Variants in CAMSAP2 observed in about 807,000 individuals in gnomAD.
CAMSAP2 encodes calmodulin-regulated spectrin-associated protein 2.
In CAMSAP2, 26 loss-of-function variants were observed where a neutral mutation model predicts 146.1. That is an observed-to-expected ratio of 0.18 (90% CI 0.13 to 0.25). The LOEUF is 0.25. Ranked by LOEUF, CAMSAP2 falls within the 10% of genes least tolerant of loss-of-function variation. The pLI is 1.00. For synonymous variants in CAMSAP2, 499 were observed against 596.6 expected (o/e 0.84, Z 2.38); for missense variants, 1,381 against 1,759.3 (o/e 0.78, Z 3.85).
At chr1:200,836,187 A>G (rs1667180625) in intron 6 of CAMSAP2, among the ~76,000 whole-genome samples, 1 of 152,100 alleles carries the variant, frequency 6.6e-6, no homozygotes, top group Non-Finnish European at 1.5e-5. Flanking sequence ...TTTGTGGTAC[A>G]GATTTTTATT....
chr1:200,766,853 G>T (rs1664967512), intron 2 of CAMSAP2, among the ~76,000 whole-genome samples: 1 of 152,084 alleles, frequency 6.6e-6, no homozygotes, highest in Non-Finnish European at 1.5e-5. Context: ...AATTTGCCTA[G>T]GTTTCTTTCC....
At chr1:200,816,717 C>A (rs1239874677) in intron 4 of CAMSAP2, among the ~76,000 whole-genome samples, 8 of 105,100 alleles carry the variant, frequency 7.6e-5, no homozygotes, top group Admixed American at 5.7e-4. Context: ...TATATATACA[C>A]ACGCACATAT....
chr1:200,853,369 C>G lies in CAMSAP2; in HGVS notation c.3697C>G (p.Leu1233Val). 5.6e-6 allele frequency: 9 copies of G among 1,613,832 alleles called. No individual in the cohort carries two copies. Among genetic ancestry groups the G allele is most frequent in the Non-Finnish European group, 7.6e-6 (9 of 1,179,856 alleles). Residue 1233 changes from leucine (L) to valine (V), a missense_variant, in exon 13 of 17, where the codon CTA becomes GTA. Transcript: ENST00000358823. The surrounding 1 kb of genome is among the most constrained non-coding windows in gnomAD (Gnocchi z 5.1). The stretch of plus-strand genomic sequence containing the variant: ...ATATATGAGGCGGAAACAACTGAAA[C>G]TAATGGAAGATATGGATACAGTAAT... ...QEYMRRKQLK[L>V]MEDMDTVIKP...
At chr1:200,833,947 C>T (rs1380044874) in intron 6 of CAMSAP2, among the ~76,000 whole-genome samples, 2 of 152,072 alleles carry the variant, frequency 1.3e-5, no homozygotes, top group African/African-American at 2.4e-5. Context: ...GTTTATTGTC[C>T]TTTGACTGTA....
chr1:200,812,624 T>G (rs181972185), intron 3 of CAMSAP2, among the ~76,000 whole-genome samples: 1 of 152,222 alleles, frequency 6.6e-6, no homozygotes, highest in Admixed American at 6.5e-5. Flanking sequence ...TTTTCCTGGA[T>G]AATGCATCCA....
Position 200,853,169 on chromosome 1 carries a change from A to T in CAMSAP2, c.3603-106A>T, listed in dbSNP as rs1667667054. The T allele has an allele frequency of 1.0e-6, 1 of 956,570 alleles. No homozygotes were observed. Among genetic ancestry groups the T allele is most frequent in the Non-Finnish European group, 1.6e-6 (1 of 626,066 alleles). 59.3% of individuals were successfully genotyped at this position (956,570 alleles called of 1,614,324 possible). A position where few individuals can be genotyped will look rare whatever the true frequency, so the allele number is the denominator to read the frequency against. On this transcript the variant is annotated intron_variant, in intron 12 of 16. Coordinates refer to ENST00000358823, the MANE Select transcript of CAMSAP2 (RefSeq NM_203459.4). This position sits in a 1 kb window ranked among gnomAD's most constrained non-coding sequence, Gnocchi z 5.1. Reference sequence around the variant, plus strand: ...TTTTAAATGAACCATTTATTCACCAAGGTGATGAAATAGAATTCTCCTTTC... The same window carrying T: ...TTTTAAATGAACCATTTATTCACCATGGTGATGAAATAGAATTCTCCTTTC...
At chr1:200,811,272 C>T (rs145230910) in intron 3 of CAMSAP2, among the ~76,000 whole-genome samples, 1 of 152,124 alleles carries the variant, frequency 6.6e-6, no homozygotes, top group African/African-American at 2.4e-5. Context: ...GCAGTTTTTT[C>T]TCCCTGCACT....
intron 6 of CAMSAP2, among the ~76,000 whole-genome samples, chr1:200,839,833 C>T (rs1667272073): frequency 1.3e-5 from 2 of 152,090 alleles, no homozygotes; most frequent in African/African-American, 4.8e-5. Context: ...CACCTGTTCC[C>T]CTAAACACCT....
intron 4 of CAMSAP2, among the ~76,000 whole-genome samples, chr1:200,816,873 C>CT: frequency 2.6e-5 from 1 of 38,462 alleles, no homozygotes; most frequent in Non-Finnish European, 4.7e-5. Context: ...TATGTGTGTA[C>CT]ACACACACGC....
chr1:200,753,700 A>G (rs1422018577), intron 1 of CAMSAP2, among the ~76,000 whole-genome samples: 2 of 152,048 alleles, frequency 1.3e-5, no homozygotes, highest in South Asian at 2.1e-4. Flanking sequence ...GGTGCACCCT[A>G]TCTTTTGGCT....
intron 4 of CAMSAP2, among the ~76,000 whole-genome samples, chr1:200,827,423 C>T (rs1666932458): frequency 6.6e-6 from 1 of 152,128 alleles, no homozygotes; most frequent in Non-Finnish European, 1.5e-5. Flanking sequence ...ATTGGAAACC[C>T]TGACACGTTT....
chr1:200,764,265 G>T (rs1470212702), intron 2 of CAMSAP2, among the ~76,000 whole-genome samples: 1 of 151,572 alleles, frequency 6.6e-6, no homozygotes. Context: ...CAGCCTTTTG[G>T]GGGGAAAAAA....
At chr1:200,822,139 T>TACAC (rs150135269) in intron 4 of CAMSAP2, among the ~76,000 whole-genome samples, 536 of 146,330 alleles carry the variant, frequency 3.7e-3, no homozygotes, top group African/African-American at 7.1e-3. Context: ...TCTCTCGCTC[T>TACAC]ACACACACAC....
chr1:200,848,266 A>G lies in CAMSAP2; in HGVS notation c.1497A>G (p.Lys499=), dbSNP rs1285945180. 12 of 1,613,572 alleles carry G rather than the reference A, an allele frequency of 7.4e-6. No homozygotes were observed. The highest frequency in any genetic ancestry group is 2.2e-5 in the South Asian group (2 of 91,000). The change falls in exon 11 of 17, where the codon AAA becomes AAG. Residue 499 remains lysine (K), a synonymous_variant. Coordinates refer to ENST00000358823, the MANE Select transcript of CAMSAP2 (RefSeq NM_203459.4). Reference sequence around the variant, plus strand: ...ATATAGATTCTCACAGTGACCTCAAATCTTGTGTGCCCCTTAACACAAATG... The same window carrying G: ...ATATAGATTCTCACAGTGACCTCAAGTCTTGTGTGCCCCTTAACACAAATG... ...ELNIDSHSDL[K]SCVPLNTNEL...
intron 8 of CAMSAP2, among the ~76,000 whole-genome samples, chr1:200,845,561 T>C (rs1404093443): frequency 6.6e-6 from 1 of 152,182 alleles, no homozygotes; most frequent in Non-Finnish European, 1.5e-5. Flanking sequence ...CTGGCATGTA[T>C]AGAAAATGCG....
At position 200,854,807 on chromosome 1, in the gene CAMSAP2, G is replaced by A; in HGVS notation, c.3824-10G>A. ...TTATTCAGGATCATGAATTTATCGT[G>A]TTTTTTCAGTCTCTAGCCTTTCTTT... is the stretch of plus-strand genomic sequence containing the variant. On this transcript the variant is annotated splice_polypyrimidine_tract_variant and intron_variant, in intron 13 of 16. Coordinates refer to ENST00000358823, the MANE Select transcript of CAMSAP2 (RefSeq NM_203459.4). 4 of 1,603,938 alleles carry A rather than the reference G, an allele frequency of 2.5e-6. No individual in the cohort carries two copies. The highest frequency in any genetic ancestry group is 1.7e-6 in the Non-Finnish European group (2 of 1,175,728).
chr1:200,842,297 T>C (rs1474854218), intron 7 of CAMSAP2, among the ~76,000 whole-genome samples: 1 of 152,220 alleles, frequency 6.6e-6, no homozygotes, highest in Non-Finnish European at 1.5e-5. Flanking sequence ...TGAAGTCTTA[T>C]GATGTGGAAC....
chr1:200,840,860 C>T lies in CAMSAP2; in HGVS notation c.928-1134C>T, dbSNP rs1667306981. On this transcript the variant is annotated intron_variant, in intron 6 of 16. Transcript: ENST00000358823. The stretch of plus-strand genomic sequence containing the variant: ...TGCCAAACACCCAAAATTTAGAAAA[C>T]ATATTATTTTAAATAGTTATGAAAA... Among the ~76,000 whole-genome samples, 3 of 152,098 alleles carry T rather than the reference C, an allele frequency of 2.0e-5. 1 individual carries two copies. The South Asian group carries it at 6.2e-4, about 32-fold the overall frequency.
At chr1:200,826,130 C>G (rs1666900778) in intron 4 of CAMSAP2, among the ~76,000 whole-genome samples, 1 of 152,008 alleles carries the variant, frequency 6.6e-6, no homozygotes, top group African/African-American at 2.4e-5. Flanking sequence ...TCTGCAACAG[C>G]TAGGAGATTA....
Sources: gnomAD v4.1 joint callset for allele counts (sites outside exome capture counted in the v4.1 genomes callset) on GRCh38, gnomAD v4.1.1 for gene constraint, Gnocchi (gnomAD v3.1) non-coding constraint, MANE v1.5 for transcripts, NCBI Gene and HGNC (gene_info 2026-07-23, HGNC 2026-07-21) for gene names.